Variants in FGF12 observed in about 807,000 individuals in gnomAD.
FGF12 encodes fibroblast growth factor 12B.
A neutral mutation model predicts 23.6 loss-of-function variants in FGF12; 14 were observed. That is an observed-to-expected ratio of 0.59 (90% CI 0.39 to 0.93). FGF12 has a LOEUF of 0.93. Ranked by LOEUF, FGF12 falls within the 40% of genes least tolerant of loss-of-function variation. The probability of loss-of-function intolerance (pLI) is 0.00; values close to 1 mark genes in which losing one functional copy is unlikely to be tolerated. For synonymous variants in FGF12, 62 were observed against 77.3 expected (o/e 0.80, Z 1.04); for missense variants, 175 against 217.8 (o/e 0.80, Z 1.24).
chr3:192,531,393 T>C (rs900186034), intron 2 of FGF12, among the ~76,000 whole-genome samples: 3 of 152,122 alleles, frequency 2.0e-5, no homozygotes, highest in African/African-American at 7.2e-5. Flanking sequence ...ACAAAGCTAA[T>C]AGTCTGCCTT....
At chr3:192,589,796 A>G (rs1399389136) in intron 2 of FGF12, among the ~76,000 whole-genome samples, 2 of 151,960 alleles carry the variant, frequency 1.3e-5, no homozygotes, top group East Asian at 3.9e-4. Flanking sequence ...TGATGCTCGG[A>G]GGACACAAAT....
intron 2 of FGF12, among the ~76,000 whole-genome samples, chr3:192,569,997 A>G (rs1712519631): frequency 6.6e-6 from 1 of 152,254 alleles, no homozygotes; most frequent in Non-Finnish European, 1.5e-5. Context: ...CAGTGCCGTA[A>G]AAGTGCCAGT....
rs1299668639 is a variant in FGF12 at position 192,305,695 on chromosome 3, T to TATATATATATAA, written c.228+29665_228+29666insTTATATATATAT. 3.7e-3 allele frequency among the ~76,000 whole-genome samples: 535 copies of TATATATATATAA among 144,678 alleles called. 2 individuals are homozygous for TATATATATATAA. Among genetic ancestry groups the TATATATATATAA allele is most frequent in the African/African-American group, 0.013 (516 of 39,294 alleles). The allele number at this position is 144,678 out of a possible 152,430, so 94.9% of individuals were successfully genotyped here. On this transcript the variant is annotated intron_variant, in intron 4 of 5. Coordinates refer to ENST00000445105, the MANE Select transcript of FGF12 (RefSeq NM_004113.6). ...AAAAAAAAAAATATATATATATATA[T>TATATATATATAA]AAATATATATAAATCCTATGAAAAA...
chr3:192,296,185 C>T (rs528406929), intron 4 of FGF12, among the ~76,000 whole-genome samples: 67 of 147,324 alleles, frequency 4.5e-4, no homozygotes, highest in Middle Eastern at 3.9e-3. Context: ...GGATTACAGG[C>T]GTAAGCCACC....
intron 2 of FGF12, among the ~76,000 whole-genome samples, chr3:192,486,896 C>T (rs1042632868): frequency 6.6e-6 from 1 of 152,144 alleles, no homozygotes; most frequent in Non-Finnish European, 1.5e-5. Context: ...ACTGTGTTTA[C>T]AAGTGTGTTT....
intron 4 of FGF12, among the ~76,000 whole-genome samples, chr3:192,199,053 C>T (rs144856855): frequency 2.6e-5 from 4 of 152,290 alleles, no homozygotes; most frequent in Admixed American, 2.6e-4. Flanking sequence ...TTCTCAGCAC[C>T]GTTTCAAGGA....
At chr3:192,469,800 T>C (rs1321706121) in intron 2 of FGF12, among the ~76,000 whole-genome samples, 14 of 152,184 alleles carry the variant, frequency 9.2e-5, no homozygotes, top group Admixed American at 9.2e-4. Context: ...GTGGGCACTG[T>C]GCAATAAACT....
chr3:192,646,974 C>G (rs1236067068), intron 2 of FGF12, among the ~76,000 whole-genome samples: 2 of 152,034 alleles, frequency 1.3e-5, no homozygotes, highest in African/African-American at 4.8e-5. Flanking sequence ...AGAGAGCTTG[C>G]TTAGGTAGGA....
chr3:192,585,025 TA>T (rs5855437), intron 2 of FGF12, among the ~76,000 whole-genome samples: 76,163 of 151,730 alleles, frequency 0.5, 19,520 homozygotes, highest in African/African-American at 0.61. Context: ...TATTTTCAGA[TA>T]AAAAAATTCT....
At chr3:192,655,775 C>T (rs1246857119) in intron 2 of FGF12, among the ~76,000 whole-genome samples, 2 of 151,850 alleles carry the variant, frequency 1.3e-5, no homozygotes, top group Non-Finnish European at 2.9e-5. Flanking sequence ...AATAAGGCAA[C>T]CAGAAATGAA....
intron 2 of FGF12, among the ~76,000 whole-genome samples, chr3:192,538,200 G>A (rs574464717): frequency 4.5e-4 from 69 of 151,920 alleles, no homozygotes; most frequent in Non-Finnish European, 7.4e-4. Context: ...CGCCCGCCTC[G>A]GCCTCCCAAA....
At chr3:192,225,423 A>C (rs560010929) in intron 4 of FGF12, among the ~76,000 whole-genome samples, 1 of 152,040 alleles carries the variant, frequency 6.6e-6, no homozygotes, top group Non-Finnish European at 1.5e-5. Flanking sequence ...TACCACACAT[A>C]CATTCTTAAT....
chr3:192,308,873 G>C (rs1715792730), intron 4 of FGF12, among the ~76,000 whole-genome samples: 1 of 152,022 alleles, frequency 6.6e-6, no homozygotes, highest in South Asian at 2.1e-4. Context: ...TTATATAAAA[G>C]AAATTGTCTT....
chr3:192,668,526 C>T (rs1716983205), intron 2 of FGF12, among the ~76,000 whole-genome samples: 1 of 152,138 alleles, frequency 6.6e-6, no homozygotes, highest in Non-Finnish European at 1.5e-5. Context: ...AAATGTGCCA[C>T]TCTGAGGGCA....
At chr3:192,580,594 T>G (rs1050208390) in intron 2 of FGF12, among the ~76,000 whole-genome samples, 1 of 152,140 alleles carries the variant, frequency 6.6e-6, no homozygotes, top group Non-Finnish European at 1.5e-5. Flanking sequence ...AGAGATTTTT[T>G]TGTTGTTGTT....
At chr3:192,638,215 A>C (rs1466127858) in intron 2 of FGF12, among the ~76,000 whole-genome samples, 1 of 152,234 alleles carries the variant, frequency 6.6e-6, no homozygotes, top group African/African-American at 2.4e-5. Flanking sequence ...TGACCAACAT[A>C]AAAGGTCAAT....
chr3:192,167,093 GT>G (rs1715202369), intron 5 of FGF12, among the ~76,000 whole-genome samples: 1 of 142,010 alleles, frequency 7.0e-6, no homozygotes, highest in Admixed American at 7.4e-5. Flanking sequence ...CTGAAGCAGA[GT>G]TTTTAGTGTC....
At chr3:192,183,189 A>AT (rs36009792) in intron 4 of FGF12, among the ~76,000 whole-genome samples, 13,180 of 147,746 alleles carry the variant, frequency 0.089, 712 homozygotes, top group South Asian at 0.26. Flanking sequence ...AGCATGTAAG[A>AT]TTTTTTTTTT....
chr3:192,547,232 T>C (rs143264940), intron 2 of FGF12, among the ~76,000 whole-genome samples: 13 of 152,312 alleles, frequency 8.5e-5, no homozygotes, highest in Admixed American at 7.2e-4. Context: ...CAATTTCCAT[T>C]GGTAGTAGAG....
Sources: allele counts gnomAD v4.1 joint callset (sites outside exome capture counted in the v4.1 genomes callset), GRCh38; gene constraint gnomAD v4.1.1; transcripts MANE v1.5; gene names NCBI Gene and HGNC (gene_info 2026-07-23, HGNC 2026-07-21).